The following CCDC9 variants were observed in gnomAD, a reference collection of about 807,000 sequenced individuals.
CCDC9 encodes the protein coiled-coil domain-containing protein 9.
A neutral mutation model predicts 65.6 loss-of-function variants in CCDC9; 52 were observed. The ratio of observed to expected loss-of-function variants is 0.79; its 90% CI spans 0.63 to 1.00. The LOEUF (loss-of-function observed/expected upper bound fraction) is 1.00. Ranked by LOEUF, CCDC9 falls within the 50% of genes least tolerant of loss-of-function variation. The probability of loss-of-function intolerance (pLI) is 0.00; values close to 1 mark genes in which losing one functional copy is unlikely to be tolerated. For synonymous variants in CCDC9, 332 were observed against 280.3 expected (o/e 1.18, Z -1.84); for missense variants, 834 against 757.2 (o/e 1.10, Z -1.19).
At chr19:47,270,116 G>T (rs2059105705) in intron 8 of CCDC9, among the ~76,000 whole-genome samples, 1 of 151,844 alleles carries the variant, frequency 6.6e-6, no homozygotes, top group South Asian at 2.1e-4. Flanking sequence ...TTACAGGCAC[G>T]TGCCACCACG....
In CCDC9 at chr19:47,260,973, T is replaced by G. The variant is rs957700777; in HGVS notation, c.462+134T>G. ...CTCTCTCTGAGCCTTTGCATCTGGC[T>G]CTGTTTCTCTCTTCCTCCACCTCCT... On this transcript the variant is annotated intron_variant, in intron 5 of 11. Transcript: ENST00000221922. The G allele has an allele frequency of 1.9e-5, 19 of 1,001,956 alleles. No individual in the cohort carries two copies. In the African/African-American group the frequency reaches 3.2e-4, roughly 17 times the overall value. The allele number at this position is 1,001,956 out of a possible 1,614,324, so 62.1% of individuals were successfully genotyped here.
intron 1 of CCDC9, chr19:47,257,927 T>C (rs2080349950): frequency 5.5e-6 from 1 of 180,354 alleles, no homozygotes; most frequent in Non-Finnish European, 1.2e-5. Flanking sequence ...TGGAACTTTC[T>C]TTTGCAGGCT....
chr19:47,264,725 C>T (rs1659962804), intron 6 of CCDC9, 39 bp downstream of exon 6: 1 of 1,603,172 alleles, frequency 6.2e-7, no homozygotes, highest in Non-Finnish European at 8.5e-7. Context: ...GGCCGAGCTG[C>T]CTGGGCTGCG....
intron 3 of CCDC9, among the ~76,000 whole-genome samples, chr19:47,260,007 G>C (rs968405872): frequency 6.6e-6 from 1 of 152,174 alleles, no homozygotes; most frequent in Admixed American, 6.5e-5. Flanking sequence ...TTTCAGCCTG[G>C]TATGTTGTGG....
chr19:47,260,711 T>C lies in CCDC9; in HGVS notation c.334T>C (p.Trp112Arg). Reference protein sequence around the residue: ...RAGMGRASRSWEGSPGEQPRG... With the variant: ...RAGMGRASRSREGSPGEQPRG... The stretch of plus-strand genomic sequence containing the variant: ...CGGCATGGGCCGAGCATCGCGCAGC[T>C]GGGAGGGCAGCCCCGGGGAGCAGCC... The change falls in exon 5 of 12, where the codon TGG (tryptophan) becomes CGG (arginine). Residue 112 changes from tryptophan (W) to arginine (R), a missense_variant. By Grantham distance (101) the Trp-to-Arg change is moderately radical. Transcript: ENST00000221922. 6.3e-7 allele frequency: 1 copy of C among 1,582,394 alleles called. No individual in the cohort carries two copies. The highest frequency in any genetic ancestry group is 8.6e-7 in the Non-Finnish European group (1 of 1,167,824).
intron 8 of CCDC9, among the ~76,000 whole-genome samples, chr19:47,269,311 G>A (rs566718786): frequency 6.6e-6 from 1 of 152,156 alleles, no homozygotes; most frequent in South Asian, 2.1e-4. Flanking sequence ...CCAGGGTGGA[G>A]GTTAGAATTT....
At chr19:47,268,916 T>G (rs1174531559) in intron 8 of CCDC9, among the ~76,000 whole-genome samples, 1 of 148,950 alleles carries the variant, frequency 6.7e-6, no homozygotes, top group Admixed American at 6.8e-5. Context: ...AGACTCCGTT[T>G]CAAAAAATAA....
At chr19:47,266,546 C>T (rs1432959607) in intron 7 of CCDC9, 65 bp from the exon 8 acceptor site, 60 of 1,447,142 alleles carry the variant, frequency 4.1e-5, no homozygotes, top group Non-Finnish European at 5.1e-5. Context: ...GTGGATGTGC[C>T]TCGGGGCTTA....
At chr19:47,275,319 G>A (rs1345821725), downstream of CCDC9, 4 of 1,546,192 alleles carry the variant, frequency 2.6e-6, no homozygotes, top group Non-Finnish European at 3.5e-6. Context: ...AGAGACGCCA[G>A]AGGCCGCGGA....
chr19:47,260,461 G>T, intron 4 of CCDC9, 39 bp downstream of exon 4: 1 of 1,607,718 alleles, frequency 6.2e-7, no homozygotes, highest in Non-Finnish European at 8.5e-7. Flanking sequence ...TGAGGATGGG[G>T]AGGGGCAGAG....
downstream of CCDC9, chr19:47,272,274 C>A: frequency 3.0e-6 from 2 of 677,862 alleles, no homozygotes; most frequent in South Asian, 7.6e-5. Context: ...GCAGTTGGAC[C>A]ATAGAGGTGA....
chr19:47,271,141 C>T lies in CCDC9; in HGVS notation c.1145C>T (p.Pro382Leu), dbSNP rs780699436. 6.3e-6 allele frequency: 10 copies of T among 1,587,300 alleles called. No individual in the cohort carries two copies. Among genetic ancestry groups the T allele is most frequent in the Admixed American group, 1.9e-5 (1 of 53,948 alleles). The part of the protein sequence containing the change: ...EGAASPAPET[P>L]QPTSPETSPK... Reference sequence around the variant, plus strand: ...GCAGCATCCCCAGCCCCTGAGACTCCACAGCCTACTTCCCCCGAGACTTCC... The same window carrying T: ...GCAGCATCCCCAGCCCCTGAGACTCTACAGCCTACTTCCCCCGAGACTTCC... The change falls in exon 11 of 12, where the codon CCA becomes CTA. Residue 382 changes from proline (P) to leucine (L), a missense_variant. Physicochemically the swap from Pro to Leu is moderately conservative, Grantham distance 98. Coordinates refer to ENST00000221922, the MANE Select transcript of CCDC9 (RefSeq NM_015603.3).
In CCDC9 at chr19:47,261,172, C is replaced by T. The variant is rs147869102; in HGVS notation, c.462+333C>T. ...TTAGTGCTGCGTGTCCCTCCCTGTC[C>T]CTCTCTGTCTCCCTTTTTCTCGCTC... On this transcript the variant is annotated intron_variant, in intron 5 of 11. Coordinates refer to ENST00000221922, the MANE Select transcript of CCDC9 (RefSeq NM_015603.3). Among the ~76,000 whole-genome samples the T allele has an allele frequency of 3.8e-3, 571 of 152,120 alleles. 5 individuals are homozygous for T. The highest frequency in any genetic ancestry group is 0.013 in the African/African-American group (544 of 41,490).
chr19:47,260,477 AGGCCTG>A, intron 4 of CCDC9, 55 bp downstream of exon 4: 4 of 1,607,720 alleles, frequency 2.5e-6, no homozygotes, highest in Non-Finnish European at 3.4e-6. Flanking sequence ...CAGAGGGTTG[AGGCCTG>A]GGACCCAGGA....
chr19:47,268,138 C>T (rs1041200370), intron 8 of CCDC9, among the ~76,000 whole-genome samples: 6 of 152,146 alleles, frequency 3.9e-5, no homozygotes, highest in East Asian at 1.9e-4. Flanking sequence ...TGAGCCACCG[C>T]GCCCGGCACC....
chr19:47,262,831 G>GTCC (rs1419994136), intron 5 of CCDC9, among the ~76,000 whole-genome samples: 4 of 152,052 alleles, frequency 2.6e-5, no homozygotes, highest in African/African-American at 9.7e-5. Flanking sequence ...TGGGCTTGTG[G>GTCC]TCCTAGCTAC....
At position 47,266,712 on chromosome 19, in the gene CCDC9, C is replaced by A. The variant is rs758135209; in HGVS notation, c.822C>A (p.Ile274=). Residue 274 remains isoleucine, a synonymous_variant, in exon 8 of 12, where the codon ATC becomes ATA. Transcript: ENST00000221922. ...YLRWKQEREK[I]DQERLQRHRK... ...GCTGGAAGCAGGAGAGGGAGAAGAT[C>A]GACCAGGAGCGGCTGCAGAGGCACC... The A allele has an allele frequency of 4.3e-6, 7 of 1,611,602 alleles. No homozygotes were observed. The highest frequency in any genetic ancestry group is 5.1e-6 in the Non-Finnish European group (6 of 1,178,930).
rs989569248 is a variant in CCDC9 at position 47,271,744 on chromosome 19, C to A, written c.*66C>A. 13 of 664,618 alleles carry A rather than the reference C, an allele frequency of 2.0e-5. No individual in the cohort carries two copies. Among genetic ancestry groups the A allele is most frequent in the Non-Finnish European group, 2.0e-5 (11 of 554,592 alleles). 41.2% of individuals were successfully genotyped at this position (664,618 alleles called of 1,614,324 possible). ...GTGTGTGTGTGTGTGCGCGCGCGCG[C>A]GCGCGCGCGCGCGCGCTAGAGGGGT... On this transcript the variant is annotated 3_prime_UTR_variant, in exon 12 of 12. Coordinates refer to ENST00000221922, the MANE Select transcript of CCDC9 (RefSeq NM_015603.3).
chr19:47,257,374 G>T (rs941280314), intron 1 of CCDC9, among the ~76,000 whole-genome samples: 1 of 150,802 alleles, frequency 6.6e-6, no homozygotes, highest in African/African-American at 2.4e-5. Context: ...CGGGGAAAGA[G>T]CGTGGCTGGG....
Sources: allele counts gnomAD v4.1 joint callset (sites outside exome capture counted in the v4.1 genomes callset), GRCh38; gene constraint gnomAD v4.1.1; transcripts MANE v1.5; gene names NCBI Gene and HGNC (gene_info 2026-07-23, HGNC 2026-07-21).